SETD9: variants seen among roughly 807,000 people sequenced by gnomAD.
SETD9 encodes the protein SET domain containing 9.
SETD9 carries 37 observed loss-of-function variants against 36.4 expected under a neutral mutation model. The ratio of observed to expected loss-of-function variants is 1.02; its 90% CI spans 0.78 to 1.34. SETD9 has a LOEUF of 1.34. SETD9 is among the 40% of genes most tolerant of loss of function. The pLI is 0.00. For synonymous variants in SETD9, 128 were observed against 132.9 expected (o/e 0.96, Z 0.26); for missense variants, 323 against 353.2 (o/e 0.91, Z 0.69).
At chr5:56,918,092 C>A (rs576796187), downstream of SETD9, among the ~76,000 whole-genome samples, 3 of 152,010 alleles carry the variant, frequency 2.0e-5, no homozygotes, top group African/African-American at 7.2e-5. Context: ...TATTGACATA[C>A]GTCTGCTCAA....
chr5:56,909,840 GC>G, intron 1 of SETD9, 97 bp downstream of exon 1: 1 of 1,053,882 alleles, frequency 9.5e-7, no homozygotes, highest in Non-Finnish European at 1.3e-6. Context: ...GAGGCTGACT[GC>G]CGGCCTGAGA....
Position 56,914,893 on chromosome 5 carries a change from G to C in SETD9, c.739G>C (p.Asp247His), listed in dbSNP as rs77988608. 1.6e-5 allele frequency: 25 copies of C among 1,601,222 alleles called. No homozygotes were observed. The highest frequency in any genetic ancestry group is 1.5e-5 in the Non-Finnish European group (18 of 1,171,288). Residue 247 changes from aspartate to histidine, a missense_variant, in exon 5 of 6, where the codon GAT becomes CAT. By Grantham distance (81) the Asp-to-His change is moderately conservative. Coordinates refer to ENST00000285947, the MANE Select transcript of SETD9 (RefSeq NM_153706.4). ...RAANVCYQEF[D>H]VPAVFPIELK... Reference sequence around the variant, plus strand: ...AGCTAATGTCTGTTATCAGGAATTTGATGTGCCTGCAGTTTTCCCTATAGA... The same window carrying C: ...AGCTAATGTCTGTTATCAGGAATTTCATGTGCCTGCAGTTTTCCCTATAGA...
chr5:56,923,101 C>T lies in SETD9; in HGVS notation c.813-2232C>T, dbSNP rs900292759. Reference sequence around the variant, plus strand: ...TCCCCTCAAGTTTACTGGTGCTGCACACGCAGTTCCGGGATCCTCACTCAG... The same window carrying T: ...TCCCCTCAAGTTTACTGGTGCTGCATACGCAGTTCCGGGATCCTCACTCAG... On this transcript the variant is annotated intron_variant, in intron 5 of 5. Coordinates refer to the SETD9 transcript ENST00000628593. The T allele has an allele frequency of 2.5e-6, 4 of 1,595,520 alleles. No homozygotes were observed. The East Asian group carries it at 9.0e-5, about 36-fold the overall frequency.
intron 5 of SETD9, among the ~76,000 whole-genome samples, chr5:56,915,634 G>A (rs905296713): frequency 1.3e-5 from 2 of 152,100 alleles, no homozygotes; most frequent in African/African-American, 4.8e-5. Flanking sequence ...GTCCTTCTAA[G>A]ATGAATGACA....
At chr5:56,922,204 T>A (rs1749704212), downstream of SETD9, 1 of 152,648 alleles carries the variant, frequency 6.6e-6, no homozygotes, top group Admixed American at 6.5e-5. Flanking sequence ...AGTGGCAACA[T>A]CCTAGGCTTT....
At chr5:56,914,475 A>G (rs1749321713) in intron 4 of SETD9, among the ~76,000 whole-genome samples, 1 of 152,092 alleles carries the variant, frequency 6.6e-6, no homozygotes, top group Non-Finnish European at 1.5e-5. Context: ...TGACTCTTTT[A>G]TTAGTATTTA....
rs1271969770 is a variant in SETD9 at position 56,910,343 on chromosome 5, A to T, written c.98+600A>T. The T allele has an allele frequency of 3.1e-6, 4 of 1,304,164 alleles. No homozygotes were observed. In the African/African-American group the frequency reaches 6.1e-5, roughly 20 times the overall value. 80.8% of individuals were successfully genotyped at this position (1,304,164 alleles called of 1,614,324 possible). On this transcript the variant is annotated intron_variant, in intron 1 of 5. Transcript: ENST00000285947. The stretch of plus-strand genomic sequence containing the variant: ...GCGTGCAGTAGCTCGCGCGTTAAGA[A>T]CGGGCAGAACGCCACTCAAAAGCAC...
In SETD9 at chr5:56,913,733, A is replaced by G. The variant is rs1443065366; in HGVS notation, c.591-141A>G. 3 of 583,474 alleles carry G rather than the reference A, an allele frequency of 5.1e-6. No individual in the cohort carries two copies. In the Admixed American group the frequency reaches 9.1e-5, roughly 18 times the overall value. The allele number at this position is 583,474 out of a possible 1,614,324, so 36.1% of individuals were successfully genotyped here. ...CTGTTTAGATAGCTGCTGTGTAACA[A>G]CTCAGTTGCCCTACTGATTATACTA... is the stretch of plus-strand genomic sequence containing the variant. On this transcript the variant is annotated intron_variant, in intron 3 of 5. Transcript: ENST00000285947.
intron 1 of SETD9, chr5:56,909,944 C>A (rs1749015278): frequency 1.8e-6 from 2 of 1,108,966 alleles, no homozygotes; most frequent in Non-Finnish European, 2.4e-6. Flanking sequence ...GGGCCAGAGG[C>A]GGGCGGGGCC....
At position 56,913,122 on chromosome 5, in the gene SETD9, A is replaced by G. The variant is rs1251658364; in HGVS notation, c.578A>G (p.Lys193Arg). 1 of 1,614,088 alleles carries G rather than the reference A, an allele frequency of 6.2e-7. No individual in the cohort carries two copies. The highest frequency in any genetic ancestry group is 2.2e-5 in the East Asian group (1 of 44,856). The change falls in exon 3 of 6, where the codon AAA becomes AGA. Residue 193 changes from lysine to arginine, a missense_variant. Lys to Arg is a conservative substitution (Grantham distance 26, BLOSUM62 2). Coordinates refer to ENST00000285947, the MANE Select transcript of SETD9 (RefSeq NM_153706.4). ...GATGGGAATGACAAAGGGATATCAA[A>G]AGTTGTGTACAGGTAAGTGATGCCC... Reference protein sequence around the residue: ...LIDGNDKGISKVVYRSCNGRD... With the variant: ...LIDGNDKGISRVVYRSCNGRD...
chr5:56,928,864 A>G (rs890439770), downstream of SETD9: 2 of 1,608,758 alleles, frequency 1.2e-6, no homozygotes, highest in African/African-American at 1.3e-5. Flanking sequence ...CATTCCTTCT[A>G]AGAAAAATTT....
chr5:56,924,219 C>T (rs1749841378), intron 5 of SETD9, among the ~76,000 whole-genome samples: 2 of 151,906 alleles, frequency 1.3e-5, no homozygotes, highest in Non-Finnish European at 2.9e-5. Flanking sequence ...AATGCCTTTA[C>T]ATTTAATAAT....
chr5:56,928,633 T>C, downstream of SETD9: 1 of 590,582 alleles, frequency 1.7e-6, no homozygotes, highest in Non-Finnish European at 2.9e-6. Context: ...AAATTAGTCA[T>C]GTTAGAATGA....
At chr5:56,911,635 A>G (rs1190615716) in intron 2 of SETD9, 99 bp downstream of exon 2, 1 of 1,260,024 alleles carries the variant, frequency 7.9e-7, no homozygotes, top group Non-Finnish European at 1.0e-6. Context: ...AGAGTAAGGG[A>G]TTAAATTGGA....
downstream of SETD9, chr5:56,928,870 A>C: frequency 6.2e-7 from 1 of 1,606,640 alleles, no homozygotes; most frequent in East Asian, 2.2e-5. Flanking sequence ...TTCTAAGAAA[A>C]ATTTTAAAAT....
chr5:56,914,098 AGTC>A (rs1749303023), intron 4 of SETD9, 109 bp downstream of exon 4: 3 of 654,858 alleles, frequency 4.6e-6, no homozygotes, highest in Non-Finnish European at 7.8e-6. Context: ...ATAATAAGCT[AGTC>A]AAGTCCTTAA....
downstream of SETD9, chr5:56,927,906 A>T (rs1195492236): frequency 1.3e-5 from 2 of 152,154 alleles, no homozygotes. Context: ...GGCACCAGTG[A>T]TCTTTTTATT....
At chr5:56,909,784 G>C (rs763575382) in intron 1 of SETD9, 41 bp downstream of exon 1, 14 of 1,570,336 alleles carry the variant, frequency 8.9e-6, no homozygotes, top group Middle Eastern at 1.7e-4. Context: ...ACCTGCCTTC[G>C]GTTCCCAGAC....
intron 4 of SETD9, among the ~76,000 whole-genome samples, chr5:56,914,452 C>T (rs560210741): frequency 3.3e-5 from 5 of 152,144 alleles, no homozygotes; most frequent in South Asian, 4.1e-4. Context: ...TAGTGAGAAA[C>T]GAAGTCCAAG....
Sources: gnomAD v4.1 joint callset for allele counts (sites outside exome capture counted in the v4.1 genomes callset) on GRCh38, gnomAD v4.1.1 for gene constraint, MANE v1.5 for transcripts, NCBI Gene and HGNC (gene_info 2026-07-23, HGNC 2026-07-21) for gene names.